YEATS2: variants seen among roughly 807,000 people sequenced by gnomAD.
The protein encoded by YEATS2 is YEATS domain containing 2.
YEATS2 carries 77 observed loss-of-function variants against 163.2 expected under a neutral mutation model. That is an observed-to-expected ratio of 0.47 (90% CI 0.39 to 0.57). The LOEUF (loss-of-function observed/expected upper bound fraction) is 0.57. Ranked by LOEUF, YEATS2 falls within the 20% of genes least tolerant of loss-of-function variation. The probability of loss-of-function intolerance (pLI) is 0.00; values close to 1 mark genes in which losing one functional copy is unlikely to be tolerated. For synonymous variants in YEATS2, 631 were observed against 645.1 expected (o/e 0.98, Z 0.33); for missense variants, 1,549 against 1,729.8 (o/e 0.90, Z 1.85).
chr3:183,806,821 C>A (rs748191047), intron 27 of YEATS2, 45 bp from the exon 28 acceptor site: 2 of 1,604,164 alleles, frequency 1.2e-6, no homozygotes, highest in East Asian at 4.5e-5. Flanking sequence ...AAGTCCTCTT[C>A]CGTTGGCCCC....
intron 21 of YEATS2, among the ~76,000 whole-genome samples, chr3:183,792,866 T>C (rs1724791962): frequency 6.6e-6 from 1 of 152,178 alleles, no homozygotes. Context: ...ATTGACAGCC[T>C]GTTTGTATTA....
chr3:183,798,863 A>G (rs1187993633), intron 22 of YEATS2, 28 bp from the exon 23 acceptor site: 4 of 1,527,824 alleles, frequency 2.6e-6, no homozygotes, highest in Non-Finnish European at 3.6e-6. Context: ...TGTATTTGTT[A>G]TATCCCTCCC....
intron 15 of YEATS2, among the ~76,000 whole-genome samples, chr3:183,763,154 T>C (rs749426732): frequency 3.3e-5 from 5 of 152,314 alleles, no homozygotes; most frequent in Non-Finnish European, 5.9e-5. Flanking sequence ...GATGGTACAT[T>C]CTGAGACGTG....
intron 15 of YEATS2, 51 bp downstream of exon 15, chr3:183,762,330 C>A: frequency 6.6e-7 from 1 of 1,513,202 alleles, no homozygotes; most frequent in Non-Finnish European, 8.8e-7. Context: ...ATGTTGTTTG[C>A]CTAAATAATT....
chr3:183,711,282 A>G (rs1315213072), intron 1 of YEATS2, among the ~76,000 whole-genome samples: 2 of 151,932 alleles, frequency 1.3e-5, no homozygotes, highest in Non-Finnish European at 2.9e-5. Context: ...CATCCTGGCT[A>G]ACACAGTAAA....
intron 6 of YEATS2, among the ~76,000 whole-genome samples, 154 bp downstream of exon 6, chr3:183,724,685 T>C (rs145570898): frequency 2.0e-3 from 310 of 152,356 alleles, no homozygotes; most frequent in Non-Finnish European, 3.6e-3. Context: ...AGAGACTTTA[T>C]TAGGGTAATT....
At chr3:183,737,344 T>C (rs1264552363) in intron 8 of YEATS2, among the ~76,000 whole-genome samples, 2 of 152,186 alleles carry the variant, frequency 1.3e-5, no homozygotes, top group Non-Finnish European at 2.9e-5. Flanking sequence ...AAGAAGTGGC[T>C]AAGAATAGTG....
intron 23 of YEATS2, among the ~76,000 whole-genome samples, chr3:183,799,398 CT>C (rs1224705488): frequency 6.6e-6 from 1 of 152,082 alleles, no homozygotes; most frequent in Non-Finnish European, 1.5e-5. Flanking sequence ...ATAACCTGGA[CT>C]TTAAAAGAGT....
chr3:183,749,859 C>T (rs1719973894), intron 9 of YEATS2, among the ~76,000 whole-genome samples: 1 of 152,024 alleles, frequency 6.6e-6, no homozygotes, highest in South Asian at 2.1e-4. Flanking sequence ...GCTCTGTTGC[C>T]CAGGTTGGAG....
In YEATS2 at chr3:183,705,951, A is replaced by C. The variant is rs532993642; in HGVS notation, c.-20+7958A>C. On this transcript the variant is annotated intron_variant, in intron 1 of 30. Transcript: ENST00000305135. ...GCTACTCGGGAGGCTGAGGCAGGAG[A>C]ATGGCCTGACCCGGGAGGCGGAGCT... is the stretch of plus-strand genomic sequence containing the variant. Among the ~76,000 whole-genome samples, 5 of 152,086 alleles carry C rather than the reference A, an allele frequency of 3.3e-5. No homozygotes were observed. In the South Asian group the frequency reaches 6.2e-4, roughly 19 times the overall value.
chr3:183,798,974 G>A lies in YEATS2; in HGVS notation c.3310G>A (p.Ala1104Thr). ...TCCAGTTGTCCCCAGCTCTGCTCCA[G>A]CAGCTGTTGCAAAAGGTACGTAGGA... The part of the protein sequence containing the change: ...PTPVVPSSAP[A>T]AVAKVKTEPE... The change falls in exon 23 of 31, where the codon GCA (alanine) becomes ACA (threonine). Residue 1104 changes from alanine to threonine, a missense_variant. By Grantham distance (58) the Ala-to-Thr change is moderately conservative. Coordinates refer to ENST00000305135, the MANE Select transcript of YEATS2 (RefSeq NM_018023.5). The A allele has an allele frequency of 6.2e-7, 1 of 1,613,858 alleles. No homozygotes were observed.
In YEATS2 at chr3:183,698,009, C is replaced by A. The variant is rs967110722; in HGVS notation, c.-20+16C>A. 1.5e-4 allele frequency: 23 copies of A among 151,954 alleles called. No homozygotes were observed. The highest frequency in any genetic ancestry group is 5.5e-4 in the African/African-American group (23 of 41,494). The allele number at this position is 151,954 out of a possible 1,614,324, so 9.4% of individuals were successfully genotyped here. A position where few individuals can be genotyped will look rare whatever the true frequency, so the allele number is the denominator to read the frequency against. ...CGGAGAAAGGGTGAGTGTTGGCGGG[C>A]GCAGGAAGGGACCGGCCGGGAGCGC... On this transcript the variant is annotated intron_variant, in intron 1 of 30. Coordinates refer to ENST00000305135, the MANE Select transcript of YEATS2 (RefSeq NM_018023.5).
chr3:183,724,607 C>T (rs1363502363), intron 6 of YEATS2, 76 bp downstream of exon 6: 1 of 989,462 alleles, frequency 1.0e-6, no homozygotes. Context: ...TACAGTGTTA[C>T]AGTAGGAAGC....
intron 7 of YEATS2, among the ~76,000 whole-genome samples, chr3:183,732,751 G>T (rs947904371): frequency 6.6e-6 from 1 of 151,686 alleles, no homozygotes; most frequent in Non-Finnish European, 1.5e-5. Context: ...TAGTAGAGAT[G>T]GGGTTTCACT....
intron 15 of YEATS2, among the ~76,000 whole-genome samples, chr3:183,762,655 C>T (rs772985951): frequency 1.3e-5 from 2 of 150,324 alleles, no homozygotes; most frequent in Admixed American, 6.6e-5. Flanking sequence ...CTCTGATGTT[C>T]GGGCTGTTAC....
At chr3:183,756,946 G>T (rs1286712600) in intron 12 of YEATS2, among the ~76,000 whole-genome samples, 1 of 152,140 alleles carries the variant, frequency 6.6e-6, no homozygotes, top group African/African-American at 2.4e-5. Context: ...GTTCTTAAAA[G>T]AATAGTTGAT....
At chr3:183,749,132 T>C (rs892895098) in intron 9 of YEATS2, among the ~76,000 whole-genome samples, 1 of 151,934 alleles carries the variant, frequency 6.6e-6, no homozygotes, top group African/African-American at 2.4e-5. Context: ...TTAGTAGAGA[T>C]GGGGTTTCAC....
At chr3:183,730,454 A>T (rs1577072108) in intron 7 of YEATS2, among the ~76,000 whole-genome samples, 3 of 151,122 alleles carry the variant, frequency 2.0e-5, no homozygotes, top group Admixed American at 6.6e-5. Context: ...GCCTTTCTTC[A>T]CCCCCGACTC....
At chr3:183,734,936 G>T (rs1010166622) in intron 7 of YEATS2, among the ~76,000 whole-genome samples, 3 of 152,174 alleles carry the variant, frequency 2.0e-5, no homozygotes, top group African/African-American at 7.2e-5. Context: ...TTTATTGTGT[G>T]AAGTAACGTC....
Sources: gnomAD v4.1 joint callset for allele counts (sites outside exome capture counted in the v4.1 genomes callset) on GRCh38, gnomAD v4.1.1 for gene constraint, MANE v1.5 for transcripts, NCBI Gene and HGNC (gene_info 2026-07-23, HGNC 2026-07-21) for gene names.